Variants in KLRG1 observed in about 807,000 individuals in gnomAD.
KLRG1 encodes killer cell lectin-like receptor subfamily G member 1.
A neutral mutation model predicts 21.8 loss-of-function variants in KLRG1; 16 were observed. That is an observed-to-expected ratio of 0.73 (90% CI 0.50 to 1.11). The LOEUF is 1.11. KLRG1 is among the 50% of genes most tolerant of loss of function. KLRG1 has a pLI of 0.00. For missense variants in KLRG1, 173 were observed against 218.3 expected, an observed-to-expected ratio of 0.79 and a Z score of 1.31; for synonymous variants, 69 against 75.9, an observed-to-expected ratio of 0.91 and a Z score of 0.47.
the KLRG1 span, among the ~76,000 whole-genome samples, chr12:9,121,498 G>A: frequency 3.9e-5 from 6 of 152,078 alleles, no homozygotes; most frequent in Admixed American, 2.0e-4. The surrounding 1 kb of genome is among the most constrained non-coding windows in gnomAD (Gnocchi z 4.4). Context: ...CCGAGATCAC[G>A]CCACTGCACT....
the KLRG1 span, among the ~76,000 whole-genome samples, chr12:9,085,921 T>G: frequency 7.2e-5 from 11 of 152,136 alleles, no homozygotes; most frequent in Non-Finnish European, 1.6e-4. Flanking sequence ...CCTAGACATA[T>G]ACATACTACC....
the KLRG1 span, chr12:9,153,114 T>G: frequency 6.2e-7 from 1 of 1,613,638 alleles, no homozygotes; most frequent in Non-Finnish European, 8.5e-7. Flanking sequence ...CATATAAGCT[T>G]GGAGCCCTAC....
chr12:9,037,725 G>A, the KLRG1 span, among the ~76,000 whole-genome samples: 2 of 152,012 alleles, frequency 1.3e-5, no homozygotes, highest in East Asian at 1.9e-4. Context: ...GTTTTTTGAT[G>A]GTACCTTTTC....
the KLRG1 span, among the ~76,000 whole-genome samples, chr12:9,121,113 T>C: frequency 6.6e-6 from 1 of 152,094 alleles, no homozygotes; most frequent in Non-Finnish European, 1.5e-5. This position sits in a 1 kb window ranked among gnomAD's most constrained non-coding sequence, Gnocchi z 4.4. Flanking sequence ...CTCAAAGTCC[T>C]GGCCTCACGG....
At chr12:9,098,614 G>A in the KLRG1 span, 12 of 1,600,796 alleles carry the variant, frequency 7.5e-6, no homozygotes, top group Middle Eastern at 3.5e-4. Context: ...CACCGAGGAC[G>A]CCGAGAGCTC....
chr12:9,138,387 G>A, the KLRG1 span, among the ~76,000 whole-genome samples: 2 of 151,794 alleles, frequency 1.3e-5, no homozygotes, highest in Admixed American at 6.6e-5. Flanking sequence ...TCCCTTTAAT[G>A]TGCTGTTGGA....
At chr12:9,158,587 G>GA in the KLRG1 span, 2 of 1,613,244 alleles carry the variant, frequency 1.2e-6, no homozygotes, top group Admixed American at 1.7e-5. Context: ...CTAGGGGGAG[G>GA]AAAAATGCAG....
At chr12:9,194,346 CA>C in the KLRG1 span, 17 of 981,270 alleles carry the variant, frequency 1.7e-5, no homozygotes, top group Non-Finnish European at 2.1e-5. Context: ...ACCTCCCCCT[CA>C]AAAAAACCCC....
the KLRG1 span, among the ~76,000 whole-genome samples, chr12:9,103,706 C>G: frequency 6.6e-6 from 1 of 152,172 alleles, no homozygotes; most frequent in Non-Finnish European, 1.5e-5. Flanking sequence ...CCATAACGTC[C>G]TCAAGGATCA....
the KLRG1 span, chr12:9,153,162 A>T: frequency 1.2e-6 from 2 of 1,614,084 alleles, no homozygotes; most frequent in African/African-American, 2.7e-5. Context: ...TACTGTTATG[A>T]CATATTCTCC....
downstream of KLRG1, among the ~76,000 whole-genome samples, chr12:9,014,250 C>T (rs906403225): frequency 6.6e-6 from 1 of 152,054 alleles, no homozygotes; most frequent in African/African-American, 2.4e-5. Context: ...TATCACTATT[C>T]AAGCACAAGA....
At chr12:9,059,579 T>C in the KLRG1 span, among the ~76,000 whole-genome samples, 1 of 152,230 alleles carries the variant, frequency 6.6e-6, no homozygotes, top group African/African-American at 2.4e-5. Flanking sequence ...ACTATAGATA[T>C]AAGAAAGAAA....
In KLRG1 at chr12:9,007,998, G is replaced by A. The variant is rs192994568; in HGVS notation, c.358-977G>A. Reference sequence around the variant, plus strand: ...TCTTTGGATATAAACTTCTTCATTTGAATGTCAGACTTTGCAGATCAAAGT... The same window carrying A: ...TCTTTGGATATAAACTTCTTCATTTAAATGTCAGACTTTGCAGATCAAAGT... On this transcript the variant is annotated intron_variant, in intron 3 of 4. Coordinates refer to ENST00000356986, the MANE Select transcript of KLRG1 (RefSeq NM_005810.4). Among the ~76,000 whole-genome samples, 29 of 152,032 alleles carry A rather than the reference G, an allele frequency of 1.9e-4. No homozygotes were observed. The East Asian group carries it at 5.6e-3, about 29-fold the overall frequency.
At chr12:9,005,294 T>A (rs1455345037) in intron 3 of KLRG1, among the ~76,000 whole-genome samples, 1 of 152,168 alleles carries the variant, frequency 6.6e-6, no homozygotes, top group African/African-American at 2.4e-5. Flanking sequence ...ATGGCACGTG[T>A]ATACCTATGT....
chr12:8,972,188 C>T (rs979803032), intron 1 of KLRG1, among the ~76,000 whole-genome samples: 6 of 152,040 alleles, frequency 3.9e-5, no homozygotes, highest in Middle Eastern at 3.4e-3. Context: ...GACGGAGTCT[C>T]GCTCTGTCGC....
intron 3 of KLRG1, among the ~76,000 whole-genome samples, chr12:8,999,881 A>G (rs1947254357): frequency 6.6e-6 from 1 of 152,066 alleles, no homozygotes; most frequent in African/African-American, 2.4e-5. Flanking sequence ...CTAAAAATAC[A>G]AAAATTAGCT....
the KLRG1 span, chr12:9,192,170 G>C: frequency 3.7e-6 from 6 of 1,600,928 alleles, no homozygotes; most frequent in African/African-American, 8.0e-5. Context: ...GGAGCAAGGA[G>C]AGATGAATCT....
At chr12:9,077,987 T>G in the KLRG1 span, 1 of 1,037,532 alleles carries the variant, frequency 9.6e-7, no homozygotes, top group Admixed American at 2.3e-5. Context: ...CTTATCTCCT[T>G]GATTAATCTT....
At chr12:9,129,053 TTC>T in the KLRG1 span, among the ~76,000 whole-genome samples, 1 of 152,212 alleles carries the variant, frequency 6.6e-6, no homozygotes, top group South Asian at 2.1e-4. Context: ...ACCTCTTTCT[TTC>T]TCTCTTTCTC....
Sources: gnomAD v4.1 joint callset for allele counts (sites outside exome capture counted in the v4.1 genomes callset) on GRCh38, gnomAD v4.1.1 for gene constraint, Gnocchi (gnomAD v3.1) non-coding constraint, MANE v1.5 for transcripts, NCBI Gene and HGNC (gene_info 2026-07-23, HGNC 2026-07-21) for gene names.